ZNF235: variants seen among roughly 807,000 people sequenced by gnomAD.
ZNF235 encodes the protein zfp-93.
ZNF235 carries 25 observed loss-of-function variants against 29.4 expected under a neutral mutation model. That is an observed-to-expected ratio of 0.85 (90% CI 0.62 to 1.19). ZNF235 has a LOEUF of 1.19. ZNF235 is among the 50% of genes most tolerant of loss of function. ZNF235 has a pLI of 0.00. For synonymous variants in ZNF235, 300 were observed against 295.3 expected (o/e 1.02, Z -0.16); for missense variants, 788 against 885.0 (o/e 0.89, Z 1.39).
At chr19:44,296,228 G>T (rs1399118900) in intron 4 of ZNF235, among the ~76,000 whole-genome samples, 2 of 152,088 alleles carry the variant, frequency 1.3e-5, no homozygotes, top group Non-Finnish European at 2.9e-5. Flanking sequence ...AAATAAAAGG[G>T]AAAGATAAAA....
intron 4 of ZNF235, chr19:44,297,199 GC>G (rs1975665326): frequency 1.0e-5 from 2 of 191,756 alleles, no homozygotes; most frequent in East Asian, 1.4e-4. Context: ...CTATAATTCT[GC>G]CCCCACTCAG....
At chr19:44,295,190 TAA>T (rs1167379983) in intron 4 of ZNF235, among the ~76,000 whole-genome samples, 2 of 152,076 alleles carry the variant, frequency 1.3e-5, no homozygotes, top group Non-Finnish European at 2.9e-5. Flanking sequence ...TACAAATCCC[TAA>T]AGACTCCTCC....
chr19:44,304,765 CA>C, intron 1 of ZNF235: 1 of 985,492 alleles, frequency 1.0e-6, no homozygotes, highest in South Asian at 4.7e-5. Context: ...GCTAGGGCAG[CA>C]GACCCTCAAC....
chr19:44,289,657 A>C (rs531982214), intron 4 of ZNF235: 1 of 153,072 alleles, frequency 6.5e-6, no homozygotes, highest in South Asian at 2.1e-4. Context: ...TAAGAATAGG[A>C]CAAGAGGTAG....
At position 44,288,039 on chromosome 19, in the gene ZNF235, T is replaced by G; in HGVS notation, c.1396A>C (p.Lys466Gln). Reference sequence around the variant, plus strand: ...AGATTAAAGCTCAAACTAAAGCACTTACCACACTCATCACATTTGTATGGT... The same window carrying G: ...AGATTAAAGCTCAAACTAAAGCACTGACCACACTCATCACATTTGTATGGT... The part of the protein sequence containing the change: ...EKPYKCDECG[K>Q]CFSLSFNLHS... The change falls in exon 5 of 5, where the codon AAG (lysine) becomes CAG (glutamine). Residue 466 changes from lysine (K) to glutamine (Q), a missense_variant. Coordinates refer to ENST00000291182, the MANE Select transcript of ZNF235 (RefSeq NM_004234.4). The G allele has an allele frequency of 1.9e-6, 3 of 1,614,156 alleles. No homozygotes were observed. The highest frequency in any genetic ancestry group is 2.5e-6 in the Non-Finnish European group (3 of 1,180,016).
intron 1 of ZNF235, 57 bp downstream of exon 1, chr19:44,304,914 C>A: frequency 1.0e-6 from 1 of 985,512 alleles, no homozygotes; most frequent in Non-Finnish European, 1.2e-6. Flanking sequence ...TCATTGCTGG[C>A]CCCACGCCTA....
At chr19:44,304,509 G>A (rs1026678058) in intron 1 of ZNF235, among the ~76,000 whole-genome samples, 1 of 152,210 alleles carries the variant, frequency 6.6e-6, no homozygotes. Flanking sequence ...AGACTCAGAG[G>A]AGTTTCCAAA....
chr19:44,298,793 C>T lies in ZNF235; in HGVS notation c.238+15G>A. 1.9e-6 allele frequency: 3 copies of T among 1,574,006 alleles called. No homozygotes were observed. In the Admixed American group the frequency reaches 5.3e-5, roughly 28 times the overall value. Reference sequence around the variant, plus strand: ...TAACAGCTGTTAACTACGATTCCGGCTGCACAGTACTCACCTGAATGCTTA... The same window carrying T: ...TAACAGCTGTTAACTACGATTCCGGTTGCACAGTACTCACCTGAATGCTTA... On this transcript the variant is annotated intron_variant, in intron 4 of 4. Transcript: ENST00000291182.
At position 44,287,790 on chromosome 19, in the gene ZNF235, C is replaced by T. The variant is rs777856353; in HGVS notation, c.1645G>A (p.Gly549Arg). ...TTCAAGCTCCAATTGAAGCGCTTCC[C>T]ACACACTTCACATTTGTATGGTTTT... is the stretch of plus-strand genomic sequence containing the variant. ...GEKPYKCEVC[G>R]KRFNWSLNLH... is the part of the protein sequence containing the mutation. The change falls in exon 5 of 5, where the codon GGG becomes AGG. Residue 549 changes from glycine (G) to arginine (R), a missense_variant. Gly to Arg is a moderately radical substitution (Grantham distance 125, BLOSUM62 -2). Coordinates refer to ENST00000291182, the MANE Select transcript of ZNF235 (RefSeq NM_004234.4). 1 of 1,613,784 alleles carries T rather than the reference C, an allele frequency of 6.2e-7. No homozygotes were observed. Among genetic ancestry groups the T allele is most frequent in the Admixed American group, 1.7e-5 (1 of 59,990 alleles).
At chr19:44,290,217 A>C (rs1975568245) in intron 4 of ZNF235, 1 of 152,996 alleles carries the variant, frequency 6.5e-6, no homozygotes, top group Admixed American at 6.5e-5. Flanking sequence ...AGCCCAGCCA[A>C]GATGATGACC....
At chr19:44,299,174 G>A (rs1287652807) in intron 3 of ZNF235, among the ~76,000 whole-genome samples, 2 of 152,108 alleles carry the variant, frequency 1.3e-5, no homozygotes, top group African/African-American at 2.4e-5. Context: ...AGCAGTTATT[G>A]CCACAATGTG....
chr19:44,295,822 A>T (rs1385344029), intron 4 of ZNF235, among the ~76,000 whole-genome samples: 2 of 152,214 alleles, frequency 1.3e-5, no homozygotes, highest in African/African-American at 4.8e-5. Flanking sequence ...TAAAGTCGAA[A>T]AAAACATACA....
rs779442276 is a variant in ZNF235, at chr19:44,288,674, C to T, written c.761G>A (p.Arg254His). The T allele has an allele frequency of 1.1e-5, 18 of 1,613,992 alleles. No individual in the cohort carries two copies. The highest frequency in any genetic ancestry group is 1.3e-5 in the African/African-American group (1 of 74,932). The change falls in exon 5 of 5, where the codon CGT becomes CAT. Residue 254 changes from arginine to histidine, a missense_variant. Physicochemically the swap from Arg to His is conservative, Grantham distance 29. Coordinates refer to ENST00000291182, the MANE Select transcript of ZNF235 (RefSeq NM_004234.4). ...GGTTTTCTGTCCTGTGTGAATACTA[C>T]GCTGGGTAAGAGGTGATACCTTTAG... ...DTLKVSPLTQ[R>H]SIHTGQKTYQ...
rs779053924 is a variant in ZNF235 at position 44,289,019 on chromosome 19, G to A, written c.416C>T (p.Ser139Phe). ...KSSQFPKHHD[S>F]PCQVGAGESI... The stretch of plus-strand genomic sequence containing the variant: ...TTCTCCTGCTCCCACTTGACAGGGG[G>A]AATCATGGTGCTTGGGGAACTGAGA... The change falls in exon 5 of 5, where the codon TCC becomes TTC. Residue 139 changes from serine (S) to phenylalanine (F), a missense_variant. Physicochemically the swap from Ser to Phe is radical, Grantham distance 155 (BLOSUM62 -2). Coordinates refer to ENST00000291182, the MANE Select transcript of ZNF235 (RefSeq NM_004234.4). 3 of 1,614,144 alleles carry A rather than the reference G, an allele frequency of 1.9e-6. No individual in the cohort carries two copies. In the Admixed American group the frequency reaches 5.0e-5, roughly 27 times the overall value.
At chr19:44,303,267 T>A in intron 2 of ZNF235, 123 bp downstream of exon 2, 1 of 824,896 alleles carries the variant, frequency 1.2e-6, no homozygotes, top group Non-Finnish European at 2.0e-6. Flanking sequence ...GGCAACAACC[T>A]GGCATATAAC....
chr19:44,302,952 ATAT>A lies in ZNF235; in HGVS notation c.15+435_15+437del, dbSNP rs1293633953. Reference sequence around the variant, plus strand: ...TGTATTTATATATACATATTTGTATATATAAATATATACGTATATATGTATATA... The same window carrying A: ...TGTATTTATATATACATATTTGTATAAAATATATACGTATATATGTATATA... On this transcript the variant is annotated intron_variant, in intron 2 of 4. Coordinates refer to ENST00000291182, the MANE Select transcript of ZNF235 (RefSeq NM_004234.4). Among the ~76,000 whole-genome samples the A allele has an allele frequency of 2.2e-5, 3 of 137,018 alleles. No individual in the cohort carries two copies. The East Asian group carries it at 6.0e-4, about 27-fold the overall frequency. 89.9% of individuals were successfully genotyped at this position (137,018 alleles called of 152,430 possible). A position where few individuals can be genotyped will look rare whatever the true frequency, so the allele number is the denominator to read the frequency against.
chr19:44,295,365 CTAGGAATGTA>C (rs1464889754), intron 4 of ZNF235, among the ~76,000 whole-genome samples: 4 of 151,780 alleles, frequency 2.6e-5, no homozygotes, highest in Non-Finnish European at 5.9e-5. Flanking sequence ...ATTAAAATAC[CTAGGAATGTA>C]TTTAACCAAG....
In ZNF235 at chr19:44,299,700, G is replaced by C; in HGVS notation, c.48C>G (p.Ala16=). Residue 16 remains alanine, a synonymous_variant, in exon 3 of 5, where the codon GCC becomes GCG. Coordinates refer to ENST00000291182, the MANE Select transcript of ZNF235 (RefSeq NM_004234.4). ...EAVTFKDVAV[A]FTEEELGLLD... Reference sequence around the variant, plus strand: ...GCAGCCCCAGCTCCTCCTCAGTGAAGGCCACAGCCACATCCTTGAATGTCA... The same window carrying C: ...GCAGCCCCAGCTCCTCCTCAGTGAACGCCACAGCCACATCCTTGAATGTCA... 1 of 1,614,068 alleles carries C rather than the reference G, an allele frequency of 6.2e-7. No homozygotes were observed. The highest frequency in any genetic ancestry group is 8.5e-7 in the Non-Finnish European group (1 of 1,179,986).
chr19:44,298,918 T>C lies in ZNF235; in HGVS notation c.143-15A>G. 6.3e-7 allele frequency: 1 copy of C among 1,593,184 alleles called. No individual in the cohort carries two copies. The highest frequency in any genetic ancestry group is 8.6e-7 in the Non-Finnish European group (1 of 1,163,342). On this transcript the variant is annotated splice_polypyrimidine_tract_variant and intron_variant, in intron 3 of 4. Transcript: ENST00000291182. ...GGACTGATGTCCTATAAAAAGATAG[T>C]ATTTAAGTGAAAATGTTAAAGGCAA... is the stretch of plus-strand genomic sequence containing the variant.
Sources: gnomAD v4.1 joint callset for allele counts (sites outside exome capture counted in the v4.1 genomes callset) on GRCh38, gnomAD v4.1.1 for gene constraint, MANE v1.5 for transcripts, NCBI Gene and HGNC (gene_info 2026-07-23, HGNC 2026-07-21) for gene names.